STK35: variants seen among roughly 807,000 people sequenced by gnomAD.
The protein encoded by STK35 is serine/threonine kinase 35.
STK35 carries 17 observed loss-of-function variants against 37.3 expected under a neutral mutation model. That is an observed-to-expected ratio of 0.46 (90% confidence interval 0.31 to 0.68). The LOEUF (loss-of-function observed/expected upper bound fraction) is 0.68, where lower values mean the gene tolerates loss of function less well. STK35 is among the 30% of genes least tolerant of loss of function. STK35 has a pLI of 0.05. For missense variants in STK35, 595 were observed against 746.7 expected (o/e 0.80, Z 2.37); for synonymous variants, 385 against 319.1 (o/e 1.21, Z -2.20).
Position 2,102,999 on chromosome 20 carries a change from G to C in STK35, c.526G>C (p.Val176Leu). ...GGCGGCGGCCCGGGCCATGGATCCG[G>C]TGGCGGCCGAGGCCCCGGGCGAGGC... is the stretch of plus-strand genomic sequence containing the variant. ...PAAAARAMDP[V>L]AAEAPGEAFL... The change falls in exon 2 of 4, where the codon GTG becomes CTG. Residue 176 changes from valine to leucine, a missense_variant. This residue lies in a region of STK35 where 389 missense variants were observed against 320.0 expected (regional missense o/e 1.22). Transcript: ENST00000381482. 1.1e-5 allele frequency: 15 copies of C among 1,421,982 alleles called. No homozygotes were observed. Among genetic ancestry groups the C allele is most frequent in the Non-Finnish European group, 1.4e-5 (15 of 1,098,368 alleles). The allele number at this position is 1,421,982 out of a possible 1,614,324, so 88.1% of individuals were successfully genotyped here. A position where few individuals can be genotyped will look rare whatever the true frequency, so the allele number is the denominator to read the frequency against.
intron 2 of STK35, among the ~76,000 whole-genome samples, chr20:2,109,734 T>C (rs1311072759): frequency 6.6e-6 from 1 of 152,230 alleles, no homozygotes; most frequent in Admixed American, 6.5e-5. Context: ...AGGTGCTTTG[T>C]ATGTCACAGT....
intron 2 of STK35, among the ~76,000 whole-genome samples, chr20:2,113,914 G>A (rs1353043224): frequency 6.6e-6 from 1 of 152,180 alleles, no homozygotes; most frequent in Non-Finnish European, 1.5e-5. Context: ...CAGGGTTCCA[G>A]CCATCTTTTC....
At chr20:2,142,388 T>C (rs6112980) in intron 3 of STK35, among the ~76,000 whole-genome samples, 50,011 of 152,028 alleles carry the variant, frequency 0.33, 9,799 homozygotes, top group East Asian at 0.92. Flanking sequence ...GACAACGAGC[T>C]GGTGTTGTCA....
intron 3 of STK35, among the ~76,000 whole-genome samples, chr20:2,143,200 T>A (rs531338448): frequency 9.2e-5 from 14 of 152,246 alleles, no homozygotes; most frequent in African/African-American, 3.4e-4. Flanking sequence ...CAGCAGACAG[T>A]GCAGGCCCAG....
chr20:2,128,113 C>T (rs1415624105), intron 3 of STK35, among the ~76,000 whole-genome samples: 1 of 152,138 alleles, frequency 6.6e-6, no homozygotes, highest in Non-Finnish European at 1.5e-5. Flanking sequence ...ACACGTATTT[C>T]TGGCTGCACC....
chr20:2,103,144 G>GC lies in STK35; in HGVS notation c.672dup (p.Gly225ArgfsTer23). 6.2e-7 allele frequency: 1 copy of GC among 1,605,576 alleles called. No individual in the cohort carries two copies. Among genetic ancestry groups the GC allele is most frequent in the Non-Finnish European group, 8.5e-7 (1 of 1,179,230 alleles). On this transcript the variant is annotated frameshift_variant, in exon 2 of 4. Transcript: ENST00000381482. LOFTEE classifies it high-confidence loss of function. The stretch of plus-strand genomic sequence containing the variant: ...GTTTATGAGGCAGTGGCCGGGCGCA[G>GC]CGGGGCCCGGGTGGCGGTCAAGAAG...
At chr20:2,134,126 G>A (rs1600618468) in intron 3 of STK35, among the ~76,000 whole-genome samples, 1 of 152,054 alleles carries the variant, frequency 6.6e-6, no homozygotes, top group Non-Finnish European at 1.5e-5. Flanking sequence ...TGGGCGTGGT[G>A]GTGCACACCT....
chr20:2,135,220 G>A (rs1458649509), intron 3 of STK35, among the ~76,000 whole-genome samples: 1 of 152,198 alleles, frequency 6.6e-6, no homozygotes, highest in Non-Finnish European at 1.5e-5. Context: ...TTATAGCCTG[G>A]GCGACAGTCT....
At chr20:2,124,663 A>G (rs56375351) in intron 3 of STK35, among the ~76,000 whole-genome samples, 1,616 of 152,218 alleles carry the variant, frequency 0.011, 25 homozygotes, top group African/African-American at 0.034. Flanking sequence ...ACAGCTTCAC[A>G]AGAGGTGGGG....
At chr20:2,110,230 G>T (rs1298392528) in intron 2 of STK35, among the ~76,000 whole-genome samples, 1 of 152,158 alleles carries the variant, frequency 6.6e-6, no homozygotes, top group Non-Finnish European at 1.5e-5. Context: ...AATTAAACAG[G>T]GATGGCTATA....
intron 3 of STK35, among the ~76,000 whole-genome samples, chr20:2,121,549 C>A (rs1985817675): frequency 6.6e-6 from 1 of 152,140 alleles, no homozygotes; most frequent in South Asian, 2.1e-4. Flanking sequence ...TATTTAGAAT[C>A]CAACTACAGA....
Position 2,117,490 on chromosome 20 carries a change from C to A in STK35, c.*37+75C>A. 1 of 802,792 alleles carries A rather than the reference C, an allele frequency of 1.2e-6. No individual in the cohort carries two copies. The highest frequency in any genetic ancestry group is 1.9e-6 in the Non-Finnish European group (1 of 523,742). 49.7% of individuals were successfully genotyped at this position (802,792 alleles called of 1,614,324 possible). A position where few individuals can be genotyped will look rare whatever the true frequency, so the allele number is the denominator to read the frequency against. ...TCACTCTGTTGGTCAGGCTGGGGTG[C>A]AGCGGGTGCAGTGGCAGGATCTCAG... On this transcript the variant is annotated intron_variant, in intron 3 of 3. Transcript: ENST00000381482. The surrounding 1 kb of genome is among the most constrained non-coding windows in gnomAD (Gnocchi z 4.4).
At chr20:2,127,931 G>A (rs139325870) in intron 3 of STK35, among the ~76,000 whole-genome samples, 338 of 152,248 alleles carry the variant, frequency 2.2e-3, no homozygotes, top group Middle Eastern at 3.4e-3. Context: ...AGGAACAGAG[G>A]ATGTCATGAG....
chr20:2,116,612 G>A, intron 2 of STK35, 54 bp from the exon 3 acceptor site: 1 of 1,540,202 alleles, frequency 6.5e-7, no homozygotes, highest in Non-Finnish European at 8.8e-7. Flanking sequence ...TAGTTAAAAA[G>A]AAGTGTGACT....
At chr20:2,139,685 A>G (rs1986141914) in intron 3 of STK35, among the ~76,000 whole-genome samples, 1 of 152,190 alleles carries the variant, frequency 6.6e-6, no homozygotes, top group Non-Finnish European at 1.5e-5. Flanking sequence ...AATGGATGTA[A>G]AACACTCGAT....
At chr20:2,110,567 G>A (rs964262243) in intron 2 of STK35, among the ~76,000 whole-genome samples, 32 of 152,094 alleles carry the variant, frequency 2.1e-4, no homozygotes, top group Non-Finnish European at 4.4e-5. Flanking sequence ...GTGTTTTTTT[G>A]TTGGGTGGGG....
Position 2,121,288 on chromosome 20 carries a change from G to A in STK35, c.*37+3873G>A, listed in dbSNP as rs1325963141. ...TGTTGCAATAATCCAGGTGAGAGAT[G>A]ACGATGGCTTGAAACAATGTAACAG... On this transcript the variant is annotated intron_variant, in intron 3 of 3. Coordinates refer to ENST00000381482, the MANE Select transcript of STK35 (RefSeq NM_080836.4). Among the ~76,000 whole-genome samples, 4 of 152,198 alleles carry A rather than the reference G, an allele frequency of 2.6e-5. No individual in the cohort carries two copies. The East Asian group carries it at 7.7e-4, about 29-fold the overall frequency.
chr20:2,121,270 A>G (rs940702830), intron 3 of STK35, among the ~76,000 whole-genome samples: 1 of 152,250 alleles, frequency 6.6e-6, no homozygotes, highest in East Asian at 1.9e-4. Flanking sequence ...GGCTGTTGCA[A>G]TAATCCAGGT....
intron 2 of STK35, among the ~76,000 whole-genome samples, chr20:2,109,512 A>G (rs1600600495): frequency 6.6e-6 from 1 of 152,250 alleles, no homozygotes; most frequent in Non-Finnish European, 1.5e-5. Flanking sequence ...TCTTACAGAC[A>G]AGAACGTCAG....
Sources: allele counts gnomAD v4.1 joint callset (sites outside exome capture counted in the v4.1 genomes callset), GRCh38; gene constraint gnomAD v4.1.1; regional missense constraint gnomAD v4.1.1; non-coding constraint Gnocchi (gnomAD v3.1); transcripts MANE v1.5; gene names NCBI Gene and HGNC (gene_info 2026-07-23, HGNC 2026-07-21).